SNTG1: variants seen among roughly 807,000 people sequenced by gnomAD.
The protein encoded by SNTG1 is gamma-1-syntrophin.
A neutral mutation model predicts 74.7 loss-of-function variants in SNTG1; 39 were observed. That is an observed-to-expected ratio of 0.52 (90% confidence interval 0.40 to 0.68). The LOEUF is 0.68. SNTG1 is among the 30% of genes least tolerant of loss of function. The pLI is 0.00. For missense variants in SNTG1, 685 were observed against 609.5 expected, an observed-to-expected ratio of 1.12 and a Z score of -1.30; for synonymous variants, 254 against 217.1, an observed-to-expected ratio of 1.17 and a Z score of -1.49.
intron 8 of SNTG1, among the ~76,000 whole-genome samples, chr8:50,487,611 C>T (rs2093808833): frequency 6.6e-6 from 1 of 150,824 alleles, no homozygotes; most frequent in Non-Finnish European, 1.5e-5. Flanking sequence ...ACTGCATATT[C>T]TCACTCGTAG....
intron 1 of SNTG1, among the ~76,000 whole-genome samples, chr8:50,111,938 G>T (rs1401067077): frequency 6.6e-6 from 1 of 151,834 alleles, no homozygotes; most frequent in Admixed American, 6.6e-5. Flanking sequence ...AATACTTTAG[G>T]CCAAAAAAAT....
chr8:50,007,998 T>C (rs1815406448), intron 1 of SNTG1, among the ~76,000 whole-genome samples: 1 of 152,016 alleles, frequency 6.6e-6, no homozygotes, highest in Non-Finnish European at 1.5e-5. Context: ...CTCACTATCA[T>C]GAGAGCGGCA....
chr8:50,480,306 A>G (rs991698447), intron 8 of SNTG1, among the ~76,000 whole-genome samples: 6 of 150,156 alleles, frequency 4.0e-5, no homozygotes, highest in African/African-American at 1.5e-4. Flanking sequence ...AACAAATTTA[A>G]TGTGAGGACC....
chr8:50,473,168 A>G (rs754589846), intron 8 of SNTG1, among the ~76,000 whole-genome samples: 1 of 152,154 alleles, frequency 6.6e-6, no homozygotes, highest in African/African-American at 2.4e-5. Context: ...GGTTTTCCCC[A>G]TGCTCTGCTC....
intron 3 of SNTG1, among the ~76,000 whole-genome samples, chr8:50,400,397 T>C (rs1019671945): frequency 5.3e-5 from 8 of 152,238 alleles, no homozygotes; most frequent in African/African-American, 1.9e-4. Context: ...CATATTTTCC[T>C]TATCCATTCA....
chr8:50,047,956 C>A (rs1819241491), intron 1 of SNTG1, among the ~76,000 whole-genome samples: 1 of 152,054 alleles, frequency 6.6e-6, no homozygotes, highest in Non-Finnish European at 1.5e-5. Context: ...ATTCGATAAT[C>A]ATACTAATTT....
At chr8:50,485,337 T>C (rs1245693067) in intron 8 of SNTG1, among the ~76,000 whole-genome samples, 1 of 152,210 alleles carries the variant, frequency 6.6e-6, no homozygotes, top group Non-Finnish European at 1.5e-5. Context: ...AATCCTTTTA[T>C]GCAGACTAGA....
chr8:50,687,027 C>T (rs560121062), intron 15 of SNTG1, among the ~76,000 whole-genome samples: 49 of 150,778 alleles, frequency 3.2e-4, no homozygotes, highest in East Asian at 7.8e-4. Context: ...CCCAGCTGCT[C>T]GGGAGGCTGA....
chr8:50,046,315 T>C (rs1332723484), intron 1 of SNTG1, among the ~76,000 whole-genome samples: 1 of 152,168 alleles, frequency 6.6e-6, no homozygotes, highest in Non-Finnish European at 1.5e-5. Context: ...CTTGATTCTG[T>C]TGTTGTAATT....
At chr8:50,752,476 A>G (rs539295575) in intron 18 of SNTG1, among the ~76,000 whole-genome samples, 2 of 152,080 alleles carry the variant, frequency 1.3e-5, no homozygotes, top group African/African-American at 2.4e-5. Context: ...ATAAATTTAT[A>G]TATTTACATT....
At chr8:50,173,219 TGCAGGTGGATC>T (rs1261891705) in intron 2 of SNTG1, among the ~76,000 whole-genome samples, 6 of 152,320 alleles carry the variant, frequency 3.9e-5, no homozygotes, top group African/African-American at 4.8e-5. Context: ...GCATGGGTGA[TGCAGGTGGATC>T]AATGACCTTG....
Position 50,756,212 on chromosome 8 carries a change from C to T in SNTG1, c.1395+4101C>T, listed in dbSNP as rs561322738. On this transcript the variant is annotated intron_variant, in intron 18 of 18. Coordinates refer to ENST00000642720, the MANE Select transcript of SNTG1 (RefSeq NM_018967.5). ...GTCCAATCTGCAGTGTGTCTTTTTGCTCTCTTGAGAATGTCTTTCATAGAG... is the reference window on the plus strand; with the variant it reads ...GTCCAATCTGCAGTGTGTCTTTTTGTTCTCTTGAGAATGTCTTTCATAGAG... Among the ~76,000 whole-genome samples, 3 of 151,828 alleles carry T rather than the reference C, an allele frequency of 2.0e-5. No homozygotes were observed. The East Asian group carries it at 5.9e-4, about 30-fold the overall frequency.
intron 1 of SNTG1, among the ~76,000 whole-genome samples, chr8:50,010,643 G>T (rs1387618495): frequency 1.3e-5 from 2 of 151,680 alleles, no homozygotes; most frequent in African/African-American, 4.8e-5. Flanking sequence ...CTTAAATTTT[G>T]ATAAACTCTC....
At chr8:50,333,307 TTAA>T (rs1267021559) in intron 2 of SNTG1, among the ~76,000 whole-genome samples, 1 of 152,256 alleles carries the variant, frequency 6.6e-6, no homozygotes, top group East Asian at 1.9e-4. Flanking sequence ...TTGATAAATG[TTAA>T]TAATGGTGTC....
At chr8:50,729,673 G>T (rs1245938232) in intron 17 of SNTG1, among the ~76,000 whole-genome samples, 1 of 152,132 alleles carries the variant, frequency 6.6e-6, no homozygotes, top group Admixed American at 6.5e-5. Context: ...TCACGGCAGA[G>T]AAATAGGTTT....
intron 4 of SNTG1, among the ~76,000 whole-genome samples, chr8:50,424,050 C>A (rs2093130569): frequency 6.6e-6 from 1 of 152,066 alleles, no homozygotes; most frequent in African/African-American, 2.4e-5. Flanking sequence ...GACCAAAGAC[C>A]CTTCTTCCCC....
intron 1 of SNTG1, among the ~76,000 whole-genome samples, chr8:50,029,987 T>G (rs549968823): frequency 6.6e-6 from 1 of 152,216 alleles, no homozygotes; most frequent in Admixed American, 6.5e-5. Context: ...GGTTCCCCAT[T>G]CTTGACATCC....
At chr8:50,194,758 A>G (rs566846856) in intron 2 of SNTG1, among the ~76,000 whole-genome samples, 2 of 152,040 alleles carry the variant, frequency 1.3e-5, no homozygotes, top group Admixed American at 1.3e-4. Context: ...ATGTGACCTT[A>G]GAATGTCAGT....
At chr8:50,708,150 G>C (rs188849107) in intron 16 of SNTG1, 13 of 192,912 alleles carry the variant, frequency 6.7e-5, no homozygotes, top group Non-Finnish European at 1.1e-4. Flanking sequence ...GCAGTGAGCC[G>C]ACACCGCACC....
Sources: allele counts gnomAD v4.1 joint callset (sites outside exome capture counted in the v4.1 genomes callset), GRCh38; gene constraint gnomAD v4.1.1; transcripts MANE v1.5; gene names NCBI Gene and HGNC (gene_info 2026-07-23, HGNC 2026-07-21).